The following TP73 variants were observed in gnomAD, a reference collection of about 807,000 sequenced individuals.
TP73 encodes the protein tumor protein p73, also known as p53-like transcription factor.
TP73 carries 25 observed loss-of-function variants against 62.5 expected under a neutral mutation model. The observed-to-expected ratio is 0.40, with a 90% CI of 0.29 to 0.56. TP73 has a LOEUF of 0.56. Among genes scored for constraint, TP73 ranks in the 20% least tolerant of loss-of-function variants. The probability of loss-of-function intolerance (pLI) is 0.46; values close to 1 mark genes in which losing one functional copy is unlikely to be tolerated. For missense variants in TP73, 754 were observed against 913.3 expected (o/e 0.83, Z 2.25); for synonymous variants, 423 against 377.5 (o/e 1.12, Z -1.40).
At position 3,677,689 on chromosome 1, in the gene TP73, C is replaced by CTTTTTTTTTTTTTTT. The variant is rs1215137164; in HGVS notation, c.-33-4644_-33-4643insTTTTTTTTTTTTTTT. On this transcript the variant is annotated intron_variant, in intron 1 of 13. Coordinates refer to ENST00000378295, the MANE Select transcript of TP73 (RefSeq NM_005427.4). ...CTCATTTATTTCATTTCCTTCCTTCCCTTTTTTTTTTTTTTTTTTTTAGAG... is the reference window on the plus strand; with the variant it reads ...CTCATTTATTTCATTTCCTTCCTTCCTTTTTTTTTTTTTTTCTTTTTTTTTTTTTTTTTTTTAGAG... Among the ~76,000 whole-genome samples the CTTTTTTTTTTTTTTT allele has an allele frequency of 1.5e-5, 2 of 137,224 alleles. 1 individual carries two copies. The highest frequency in any genetic ancestry group is 3.2e-5 in the Non-Finnish European group (2 of 63,332). The allele number at this position is 137,224 out of a possible 152,430, so 90.0% of individuals were successfully genotyped here.
chr1:3,711,745 G>A (rs1443848305), intron 4 of TP73, among the ~76,000 whole-genome samples: 3 of 152,232 alleles, frequency 2.0e-5, no homozygotes, highest in African/African-American at 7.2e-5. Context: ...ATGGCCAGCT[G>A]CCCCAGCATT....
chr1:3,697,111 T>C (rs1638731067), intron 3 of TP73, among the ~76,000 whole-genome samples: 1 of 151,428 alleles, frequency 6.6e-6, no homozygotes, highest in Non-Finnish European at 1.5e-5. Context: ...CCTGAGGTCC[T>C]GTGAATCCTG....
chr1:3,678,831 T>C (rs900099788), intron 1 of TP73, among the ~76,000 whole-genome samples: 6 of 152,202 alleles, frequency 3.9e-5, no homozygotes, highest in African/African-American at 1.2e-4. Flanking sequence ...GGAAGATGCA[T>C]CTGCCCAGGG....
intron 1 of TP73, among the ~76,000 whole-genome samples, chr1:3,667,605 C>G (rs1211550892): frequency 6.6e-6 from 1 of 152,026 alleles, no homozygotes; most frequent in Non-Finnish European, 1.5e-5. Context: ...AAAAAATTAG[C>G]CAGGCGTGGT....
intron 3 of TP73, among the ~76,000 whole-genome samples, chr1:3,688,522 G>T (rs1228810839): frequency 6.6e-6 from 1 of 152,148 alleles, no homozygotes; most frequent in Non-Finnish European, 1.5e-5. Context: ...GGAAAGTCAG[G>T]CGGAATCCCC....
At position 3,712,678 on chromosome 1, in the gene TP73, G is replaced by A. The variant is rs1348567222; in HGVS notation, c.429+4887G>A. The stretch of plus-strand genomic sequence containing the variant: ...TTCTAGGACTTCTTTCCAGTTTGGG[G>A]ACAGCCCTGTGGACCCAGCATGTCT... On this transcript the variant is annotated intron_variant, in intron 4 of 13. Transcript: ENST00000378295. Among the ~76,000 whole-genome samples the A allele has an allele frequency of 3.3e-5, 5 of 152,324 alleles. No homozygotes were observed. The South Asian group carries it at 6.2e-4, about 19-fold the overall frequency.
At chr1:3,673,546 G>A (rs1570400379) in intron 1 of TP73, among the ~76,000 whole-genome samples, 1 of 152,232 alleles carries the variant, frequency 6.6e-6, no homozygotes, top group Non-Finnish European at 1.5e-5. Flanking sequence ...AGGAAACAGA[G>A]GCTCAGAATG....
rs1642399614 is a variant in TP73 at position 3,735,362 on chromosome 1, C to G, written c.*2283C>G. ...GTCCAGTGAGGCTGTCCCAAGAGCC[C>G]CTGTAGTGTGCTCCTGGGAAGGGCT... is the stretch of plus-strand genomic sequence containing the variant. On this transcript the variant is annotated 3_prime_UTR_variant, in exon 14 of 14. Transcript: ENST00000378295. The G allele has an allele frequency of 6.7e-6, 1 of 149,922 alleles. No individual in the cohort carries two copies. The highest frequency in any genetic ancestry group is 2.4e-5 in the African/African-American group (1 of 41,000). 9.3% of individuals were successfully genotyped at this position (149,922 alleles called of 1,614,324 possible). A position where few individuals can be genotyped will look rare whatever the true frequency, so the allele number is the denominator to read the frequency against.
At chr1:3,726,221 G>GTGGATGGA (rs1264364724) in intron 6 of TP73, among the ~76,000 whole-genome samples, 1 of 124,458 alleles carries the variant, frequency 8.0e-6, no homozygotes, top group Non-Finnish European at 1.7e-5. Flanking sequence ...GGGTGGGTGG[G>GTGGATGGA]TGGATGGATG....
rs2102089177 is a variant in TP73 at position 3,682,322 on chromosome 1, C to T, written c.-33-11C>T. ...CCAGGGTGCTCAGGTGTCATTCCTTCCTTCCTGCAGAGCGAGCTGCCCTCG... is the reference window on the plus strand; with the variant it reads ...CCAGGGTGCTCAGGTGTCATTCCTTTCTTCCTGCAGAGCGAGCTGCCCTCG... On this transcript the variant is annotated splice_polypyrimidine_tract_variant and intron_variant, in intron 1 of 13. Transcript: ENST00000378295. 6.8e-7 allele frequency: 1 copy of T among 1,462,752 alleles called. No individual in the cohort carries two copies. The allele number at this position is 1,462,752 out of a possible 1,614,324, so 90.6% of individuals were successfully genotyped here.
Position 3,731,009 on chromosome 1 carries a change from C to A in TP73, c.1428C>A (p.Val476=). 4 of 1,612,550 alleles carry A rather than the reference C, an allele frequency of 2.5e-6. No individual in the cohort carries two copies. Among genetic ancestry groups the A allele is most frequent in the Non-Finnish European group, 3.4e-6 (4 of 1,179,842 alleles). ...MSSSHSAQSM[V]SGSHCTPPPP... ...GCAGCCACAGCGCCCAGTCCATGGT[C>A]TCGGGGTCCCACTGCACTCCGCCAC... Residue 476 remains valine (V), a synonymous_variant, in exon 12 of 14, where the codon GTC becomes GTA. Transcript: ENST00000378295.
At chr1:3,717,550 G>A (rs1003621407) in intron 4 of TP73, among the ~76,000 whole-genome samples, 1 of 152,220 alleles carries the variant, frequency 6.6e-6, no homozygotes, top group Non-Finnish European at 1.5e-5. Context: ...AGGCAGGAGG[G>A]GGGCGGCGGA....
At chr1:3,690,410 C>T (rs926236274) in intron 3 of TP73, among the ~76,000 whole-genome samples, 6 of 152,152 alleles carry the variant, frequency 3.9e-5, no homozygotes, top group Non-Finnish European at 7.4e-5. Flanking sequence ...TCTCCAGGGC[C>T]GGGGCTCAGC....
rs187892202 is a variant in TP73, at chr1:3,724,790, G to A, written c.732+1321G>A. On this transcript the variant is annotated intron_variant, in intron 6 of 13. Transcript: ENST00000378295. ...TCCAAGCACTTTGGGAGGCCAAGGC[G>A]GGTGGATCACTTGAGGTTAGGAGTT... Among the ~76,000 whole-genome samples the A allele has an allele frequency of 1.6e-3, 241 of 152,326 alleles. 4 individuals carry two copies. Among genetic ancestry groups the A allele is most frequent in the Admixed American group, 0.01 (154 of 15,298 alleles).
chr1:3,732,959 C>A lies in TP73; in HGVS notation c.1791C>A (p.Pro597=). Residue 597 remains proline (P), a synonymous_variant, in exon 14 of 14, where the codon CCC becomes CCA. Coordinates refer to ENST00000378295, the MANE Select transcript of TP73 (RefSeq NM_005427.4). ...GCGTGCGCCACACCATCACCATCCC[C>A]AACCGCGGCGGCCCAGGCGGCGGCC... ...HFRVRHTITI[P]NRGGPGGGPD... is the part of the protein sequence containing the mutation. 1 of 1,607,036 alleles carries A rather than the reference C, an allele frequency of 6.2e-7. No homozygotes were observed.
chr1:3,724,440 C>G (rs1296961682), intron 6 of TP73, among the ~76,000 whole-genome samples: 2 of 152,100 alleles, frequency 1.3e-5, no homozygotes, highest in Admixed American at 1.3e-4. Flanking sequence ...AGCCTCTACC[C>G]TGTACCCAGG....
rs1298674664 is a variant in TP73, at chr1:3,672,274, A to G, written c.-33-10059A>G. Among the ~76,000 whole-genome samples the G allele has an allele frequency of 6.6e-6, 1 of 152,090 alleles. No individual in the cohort carries two copies. On this transcript the variant is annotated intron_variant, in intron 1 of 13. Coordinates refer to ENST00000378295, the MANE Select transcript of TP73 (RefSeq NM_005427.4). This position sits in a 1 kb window ranked among gnomAD's most constrained non-coding sequence, Gnocchi z 5.3. ...CATTCTCTCTTGGTTGGAGGAGTGG[A>G]AGTGCTTCTCTGGGGAAAGAAAGAA...
At chr1:3,719,627 G>C (rs941638670) in intron 4 of TP73, among the ~76,000 whole-genome samples, 6 of 152,220 alleles carry the variant, frequency 3.9e-5, no homozygotes, top group African/African-American at 1.4e-4. Flanking sequence ...TCTGTGCTGC[G>C]AGCTGTTCCC....
At chr1:3,664,210 C>T (rs186385756) in intron 1 of TP73, among the ~76,000 whole-genome samples, 2 of 152,338 alleles carry the variant, frequency 1.3e-5, no homozygotes, top group Non-Finnish European at 2.9e-5. Context: ...GGGCCTGAGC[C>T]GGCAGGGCTT....
Sources: gnomAD v4.1 joint callset for allele counts (sites outside exome capture counted in the v4.1 genomes callset) on GRCh38, gnomAD v4.1.1 for gene constraint, Gnocchi (gnomAD v3.1) non-coding constraint, MANE v1.5 for transcripts, NCBI Gene and HGNC (gene_info 2026-07-23, HGNC 2026-07-21) for gene names.